The following MROH9 variants were observed in gnomAD, a reference collection of about 807,000 sequenced individuals.
The protein encoded by MROH9 is maestro heat like repeat family member 9, also known as maestro heat-like repeat-containing protein family member 9.
A neutral mutation model predicts 98.2 loss-of-function variants in MROH9; 92 were observed. The ratio of observed to expected loss-of-function variants is 0.94; its 90% CI spans 0.79 to 1.11. The LOEUF is 1.11. MROH9 is among the 50% of genes most tolerant of loss of function. MROH9 has a pLI of 0.00. For missense variants in MROH9, 1,057 were observed against 1,014.8 expected (o/e 1.04, Z -0.57); for synonymous variants, 397 against 368.9 (o/e 1.08, Z -0.87).
intron 20 of MROH9, among the ~76,000 whole-genome samples, chr1:171,052,350 G>A (rs545243206): frequency 1.3e-5 from 2 of 152,310 alleles, no homozygotes; most frequent in Non-Finnish European, 2.9e-5. Flanking sequence ...CCCAGTGGTA[G>A]TCATAAGTAC....
At chr1:171,033,511 C>T (rs1409204176) in intron 20 of MROH9, among the ~76,000 whole-genome samples, 8 of 152,162 alleles carry the variant, frequency 5.3e-5, no homozygotes, top group Non-Finnish European at 7.3e-5. Flanking sequence ...GAGGGGCTTC[C>T]CTGCCCCGTG....
intron 3 of MROH9, among the ~76,000 whole-genome samples, chr1:170,948,595 A>C (rs1365200764): frequency 6.6e-6 from 1 of 152,098 alleles, no homozygotes; most frequent in Non-Finnish European, 1.5e-5. Flanking sequence ...TCTTTTTGAG[A>C]AACAAAGTAG....
intron 1 of MROH9, among the ~76,000 whole-genome samples, chr1:170,942,368 GACACACACACACACACACACACAC>G (rs10529238): frequency 2.8e-5 from 4 of 144,952 alleles, no homozygotes; most frequent in African/African-American, 7.7e-5. Flanking sequence ...ATGTAGAGTA[GACACACACACACACACACACACAC>G]ACACACACAC....
intron 7 of MROH9, among the ~76,000 whole-genome samples, chr1:170,966,493 G>A (rs371850991): frequency 7.9e-5 from 12 of 152,084 alleles, no homozygotes; most frequent in African/African-American, 2.4e-4. Context: ...AAGAGGGTGA[G>A]AAACATGCAT....
chr1:170,962,672 A>C (rs763741230), intron 6 of MROH9, among the ~76,000 whole-genome samples: 1 of 152,170 alleles, frequency 6.6e-6, no homozygotes, highest in Admixed American at 6.6e-5. Flanking sequence ...TATGAATACA[A>C]AAAGGAATTT....
chr1:170,997,324 A>C (rs1448100947), intron 14 of MROH9, among the ~76,000 whole-genome samples: 1 of 152,134 alleles, frequency 6.6e-6, no homozygotes, highest in African/African-American at 2.4e-5. Context: ...AGTGTAGTAC[A>C]TCTGCACCCT....
intron 7 of MROH9, 25 bp downstream of exon 7, chr1:170,965,280 C>A: frequency 6.9e-7 from 1 of 1,458,202 alleles, no homozygotes; most frequent in Admixed American, 1.7e-5. Flanking sequence ...ATAACAATGC[C>A]ACCTGATTCT....
chr1:171,063,961 A>G (rs1654088748), intron 21 of MROH9, 138 bp from the exon 22 acceptor site: 9 of 853,852 alleles, frequency 1.1e-5, no homozygotes, highest in Non-Finnish European at 1.6e-5. Context: ...AGCCAAAGTT[A>G]CAAAATGCAG....
chr1:170,977,849 T>G (rs560661851), intron 8 of MROH9, among the ~76,000 whole-genome samples: 3 of 152,272 alleles, frequency 2.0e-5, no homozygotes, highest in African/African-American at 7.2e-5. Flanking sequence ...GGTCAGCAAT[T>G]GCTCAGTGCA....
intron 8 of MROH9, among the ~76,000 whole-genome samples, chr1:170,978,244 C>T (rs1161519492): frequency 2.0e-5 from 3 of 152,070 alleles, no homozygotes; most frequent in Admixed American, 6.5e-5. Flanking sequence ...AAAGATTGGT[C>T]TCCTCTCCCT....
chr1:171,019,314 C>T (rs573276745), intron 17 of MROH9, among the ~76,000 whole-genome samples: 13 of 152,214 alleles, frequency 8.5e-5, no homozygotes, highest in East Asian at 1.9e-4. Context: ...ACAGCTACAG[C>T]GGTGTTGAGA....
chr1:170,993,621 T>A (rs1158410529), intron 12 of MROH9, among the ~76,000 whole-genome samples: 1 of 152,028 alleles, frequency 6.6e-6, no homozygotes, highest in Non-Finnish European at 1.5e-5. Flanking sequence ...AGTGCTCGAG[T>A]TAGTGTATGT....
chr1:170,959,511 T>C lies in MROH9; in HGVS notation c.202T>C (p.Ser68Pro), dbSNP rs201425392. 1 of 1,613,446 alleles carries C rather than the reference T, an allele frequency of 6.2e-7. No individual in the cohort carries two copies. The change falls in exon 5 of 22, where the codon TCA (serine) becomes CCA (proline). Residue 68 changes from serine (S) to proline (P), a missense_variant. Ser to Pro is a moderately conservative substitution (Grantham distance 74, BLOSUM62 -1). Transcript: ENST00000367759. ...QFESQLKIIE[S>P]SFGMLVVMPS... The stretch of plus-strand genomic sequence containing the variant: ...TGAATCTCAGTTGAAGATAATAGAG[T>C]CATCCTTTGGAATGCTAGTTGTCAT...
intron 8 of MROH9, among the ~76,000 whole-genome samples, chr1:170,979,689 G>A (rs1203426713): frequency 2.0e-5 from 3 of 152,092 alleles, no homozygotes; most frequent in Non-Finnish European, 2.9e-5. Flanking sequence ...ACTGTTAATA[G>A]TTAAGCCACA....
chr1:170,985,930 T>G (rs917512427), intron 9 of MROH9, among the ~76,000 whole-genome samples: 13 of 149,602 alleles, frequency 8.7e-5, no homozygotes, highest in African/African-American at 3.2e-4. Context: ...AGATTGGGTA[T>G]CCTCTGTACT....
At chr1:171,055,509 GC>G (rs771056659) in intron 20 of MROH9, among the ~76,000 whole-genome samples, 10 of 151,556 alleles carry the variant, frequency 6.6e-5, no homozygotes, top group Non-Finnish European at 1.0e-4. Context: ...TGTAATTCCA[GC>G]TACTTGGGAG....
chr1:170,998,788 A>G, intron 15 of MROH9: 1 of 953,932 alleles, frequency 1.0e-6, no homozygotes, highest in Non-Finnish European at 1.2e-6. Context: ...ACAAAAAATA[A>G]AGGCTTTATA....
chr1:171,004,629 T>A (rs28811078), intron 15 of MROH9, among the ~76,000 whole-genome samples: 1 of 151,994 alleles, frequency 6.6e-6, no homozygotes, highest in African/African-American at 2.4e-5. Flanking sequence ...CTGCAGGAGC[T>A]TCCACTTCCT....
chr1:170,994,410 A>G (rs1484108505), intron 12 of MROH9, among the ~76,000 whole-genome samples: 1 of 152,182 alleles, frequency 6.6e-6, no homozygotes, highest in African/African-American at 2.4e-5. Context: ...AAAAAGACCT[A>G]TGAAGTTTTC....
Sources: allele counts gnomAD v4.1 joint callset (sites outside exome capture counted in the v4.1 genomes callset), GRCh38; gene constraint gnomAD v4.1.1; transcripts MANE v1.5; gene names NCBI Gene and HGNC (gene_info 2026-07-23, HGNC 2026-07-21).